GMDS: variants seen among roughly 807,000 people sequenced by gnomAD.
GMDS encodes the protein GDP-mannose 4,6-dehydratase.
In GMDS, 20 loss-of-function variants were observed where a neutral mutation model predicts 49.9. The observed-to-expected ratio is 0.40, with a 90% CI of 0.28 to 0.58. The LOEUF is 0.58. Ranked by LOEUF, GMDS falls within the 20% of genes least tolerant of loss-of-function variation. GMDS has a pLI of 0.42. For synonymous variants in GMDS, 177 were observed against 178.6 expected (o/e 0.99, Z 0.07); for missense variants, 362 against 481.4 (o/e 0.75, Z 2.32).
At chr6:1,971,164 A>G (rs1382398057) in intron 4 of GMDS, among the ~76,000 whole-genome samples, 1 of 152,136 alleles carries the variant, frequency 6.6e-6, no homozygotes, top group African/African-American at 2.4e-5. Flanking sequence ...AGCAAATTAT[A>G]TATGCCAGTC....
intron 1 of GMDS, among the ~76,000 whole-genome samples, chr6:2,215,490 A>AC (rs140697323): frequency 0.12 from 18,937 of 151,866 alleles, 1,258 homozygotes; most frequent in Middle Eastern, 0.23. Flanking sequence ...GGGGGCAACC[A>AC]CCCCCATGAC....
chr6:1,716,447 A>G (rs1036744971), intron 9 of GMDS, among the ~76,000 whole-genome samples: 5 of 152,238 alleles, frequency 3.3e-5, no homozygotes, highest in African/African-American at 1.2e-4. Context: ...TGTGGAGTTT[A>G]ATGATGACAT....
At chr6:1,829,892 T>A (rs1771282010) in intron 7 of GMDS, among the ~76,000 whole-genome samples, 1 of 152,240 alleles carries the variant, frequency 6.6e-6, no homozygotes, top group African/African-American at 2.4e-5. Flanking sequence ...TGTGCTATGT[T>A]CTTGGAAAGC....
At chr6:1,985,617 A>G (rs939223284) in intron 4 of GMDS, among the ~76,000 whole-genome samples, 11 of 152,220 alleles carry the variant, frequency 7.2e-5, no homozygotes, top group African/African-American at 2.4e-4. Context: ...AACAGATTTG[A>G]AAAGGAATCA....
At chr6:2,116,364 G>T (rs1774849650) in intron 3 of GMDS, among the ~76,000 whole-genome samples, 1 of 152,168 alleles carries the variant, frequency 6.6e-6, no homozygotes, top group Admixed American at 6.5e-5. Flanking sequence ...AATGCCCGAT[G>T]TGGTGACATA....
At chr6:2,203,137 C>T (rs143192998) in intron 1 of GMDS, among the ~76,000 whole-genome samples, 13 of 152,234 alleles carry the variant, frequency 8.5e-5, no homozygotes, top group African/African-American at 2.9e-4. Context: ...TTTTTGAAGG[C>T]TTGTCCAATT....
intron 7 of GMDS, among the ~76,000 whole-genome samples, chr6:1,829,316 C>T (rs780111845): frequency 6.6e-6 from 1 of 152,068 alleles, no homozygotes. Context: ...TGTATGTGAA[C>T]GTGTGCGTAT....
intron 7 of GMDS, among the ~76,000 whole-genome samples, chr6:1,824,239 A>G (rs867228908): frequency 3.9e-5 from 6 of 152,228 alleles, no homozygotes; most frequent in Middle Eastern, 3.4e-3. Context: ...GTGTTGCACC[A>G]TTCCAGGGGC....
intron 4 of GMDS, among the ~76,000 whole-genome samples, chr6:2,035,735 G>A (rs1769265373): frequency 6.6e-6 from 1 of 151,972 alleles, no homozygotes; most frequent in Admixed American, 6.6e-5. Flanking sequence ...CACCCAGGCT[G>A]GAGTGCAATG....
intron 9 of GMDS, among the ~76,000 whole-genome samples, chr6:1,641,462 G>A (rs1763327708): frequency 6.6e-6 from 1 of 152,242 alleles, no homozygotes; most frequent in South Asian, 2.1e-4. Context: ...CCTTGTGGAA[G>A]GTCAGGGTGC....
intron 7 of GMDS, among the ~76,000 whole-genome samples, chr6:1,797,802 C>A (rs750489136): frequency 6.6e-6 from 1 of 152,152 alleles, no homozygotes; most frequent in Non-Finnish European, 1.5e-5. Context: ...GGAAGGTGTG[C>A]ATTTGTGGAC....
At chr6:1,935,735 T>C (rs1463285736) in intron 6 of GMDS, among the ~76,000 whole-genome samples, 3 of 151,558 alleles carry the variant, frequency 2.0e-5, no homozygotes, top group Non-Finnish European at 4.4e-5. Flanking sequence ...ACTAATAAGG[T>C]TTTTAGCCTA....
intron 4 of GMDS, among the ~76,000 whole-genome samples, chr6:1,968,854 A>G (rs555100385): frequency 4.6e-5 from 7 of 152,306 alleles, no homozygotes; most frequent in African/African-American, 1.7e-4. Context: ...TGTAAACTCT[A>G]CAGCAGCAGG....
chr6:2,213,846 T>C (rs1330771079), intron 1 of GMDS, among the ~76,000 whole-genome samples: 1 of 152,216 alleles, frequency 6.6e-6, no homozygotes, highest in African/African-American at 2.4e-5. Context: ...AACAAGGTAA[T>C]GTTCCTTACA....
intron 7 of GMDS, among the ~76,000 whole-genome samples, chr6:1,877,476 C>CA (rs923294279): frequency 6.6e-6 from 1 of 151,526 alleles, no homozygotes; most frequent in Admixed American, 6.6e-5. Flanking sequence ...CCTATGTCTA[C>CA]AAAAAATAAA....
intron 4 of GMDS, among the ~76,000 whole-genome samples, chr6:1,995,784 A>G (rs1766239410): frequency 6.6e-6 from 1 of 152,144 alleles, no homozygotes; most frequent in South Asian, 2.1e-4. Context: ...CAGGCTCTCC[A>G]CTGACTGGGA....
intron 9 of GMDS, among the ~76,000 whole-genome samples, chr6:1,649,015 T>A (rs1763569358): frequency 6.6e-6 from 1 of 152,202 alleles, no homozygotes; most frequent in Admixed American, 6.5e-5. Flanking sequence ...TTTACACACA[T>A]ATAATTACAA....
At position 2,229,235 on chromosome 6, in the gene GMDS, C is replaced by T. The variant is rs984996859; in HGVS notation, c.102+16086G>A. Among the ~76,000 whole-genome samples, 7 of 152,248 alleles carry T rather than the reference C, an allele frequency of 4.6e-5. No homozygotes were observed. The South Asian group carries it at 1.5e-3, about 32-fold the overall frequency. ...AGAAGATCATTACGCAAGGCACTTT[C>T]TTTCGTCCTAGTACAGATAAGGGTG... On this transcript the variant is annotated intron_variant, in intron 1 of 10. Transcript: ENST00000380815.
chr6:1,940,770 T>C (rs1762783522), intron 6 of GMDS, among the ~76,000 whole-genome samples: 2 of 152,278 alleles, frequency 1.3e-5, no homozygotes, highest in Admixed American at 1.3e-4. Flanking sequence ...TTGTATCAAA[T>C]GTTCAATGCA....
Sources: allele counts gnomAD v4.1 joint callset (sites outside exome capture counted in the v4.1 genomes callset), GRCh38; gene constraint gnomAD v4.1.1; transcripts MANE v1.5; gene names NCBI Gene and HGNC (gene_info 2026-07-23, HGNC 2026-07-21).